Variants in ADGRB3 observed in about 807,000 individuals in gnomAD.
ADGRB3 encodes the protein adhesion G protein-coupled receptor B3, also known as brain-specific angiogenesis inhibitor 3.
A neutral mutation model predicts 193.4 loss-of-function variants in ADGRB3; 37 were observed. The observed-to-expected ratio is 0.19, with a 90% CI of 0.15 to 0.25. The LOEUF is 0.25. ADGRB3 is among the 10% of genes least tolerant of loss of function. The pLI, the probability that ADGRB3 is intolerant of heterozygous loss-of-function variation, is 1.00. For synonymous variants in ADGRB3, 690 were observed against 644.2 expected (o/e 1.07, Z -1.08); for missense variants, 1,637 against 1,852.9 (o/e 0.88, Z 2.14).
intron 16 of ADGRB3, among the ~76,000 whole-genome samples, chr6:69,074,762 GT>G: frequency 6.6e-6 from 1 of 152,066 alleles, no homozygotes; most frequent in South Asian, 2.1e-4. Flanking sequence ...AGCCAGGATG[GT>G]CTCAATCTCC....
At chr6:68,907,147 A>G (rs945687618) in intron 3 of ADGRB3, among the ~76,000 whole-genome samples, 4 of 151,912 alleles carry the variant, frequency 2.6e-5, no homozygotes, top group Admixed American at 1.3e-4. Context: ...TAGCTTTAGC[A>G]TATTTATTTT....
chr6:68,884,561 C>A (rs1765848392), intron 3 of ADGRB3, among the ~76,000 whole-genome samples: 2 of 151,834 alleles, frequency 1.3e-5, no homozygotes, highest in South Asian at 4.2e-4. Context: ...ATGAAATCAC[C>A]CAGAGTTTAG....
intron 3 of ADGRB3, among the ~76,000 whole-genome samples, chr6:68,682,076 C>G (rs545915293): frequency 6.6e-6 from 1 of 152,342 alleles, no homozygotes; most frequent in African/African-American, 2.4e-5. Context: ...TCACTGGCCA[C>G]TGCAATTGGG....
chr6:69,043,502 A>G (rs1771149458), intron 13 of ADGRB3, among the ~76,000 whole-genome samples: 1 of 152,220 alleles, frequency 6.6e-6, no homozygotes, highest in Non-Finnish European at 1.5e-5. Flanking sequence ...GGATCACTGA[A>G]GGACAACCAA....
chr6:69,233,259 C>T (rs200192397), intron 17 of ADGRB3, 31 bp from the exon 18 acceptor site: 3 of 1,609,644 alleles, frequency 1.9e-6, no homozygotes, highest in Non-Finnish European at 1.7e-6. Flanking sequence ...GTATTTATCC[C>T]GATTTCCTCC....
intron 3 of ADGRB3, among the ~76,000 whole-genome samples, chr6:68,760,875 A>G (rs1766383757): frequency 6.6e-6 from 1 of 152,232 alleles, no homozygotes; most frequent in Non-Finnish European, 1.5e-5. Context: ...TGCATTCAAC[A>G]TGCAATTTAG....
chr6:68,666,935 A>G (rs1768816250), intron 3 of ADGRB3, among the ~76,000 whole-genome samples: 1 of 151,666 alleles, frequency 6.6e-6, no homozygotes. Flanking sequence ...TAATGTGGTT[A>G]TTTTTAGTTC....
At chr6:69,256,585 A>T (rs1437194142) in intron 20 of ADGRB3, among the ~76,000 whole-genome samples, 1 of 152,068 alleles carries the variant, frequency 6.6e-6, no homozygotes, top group East Asian at 1.9e-4. Context: ...GTTGCTTATC[A>T]GCTTAAGGAG....
chr6:68,927,436 A>C (rs1767212231), intron 3 of ADGRB3, among the ~76,000 whole-genome samples: 1 of 152,156 alleles, frequency 6.6e-6, no homozygotes, highest in Admixed American at 6.6e-5. Flanking sequence ...GTTTTTCCTA[A>C]GTTTGGATGA....
At chr6:68,637,227 A>C (rs1767980071) in intron 1 of ADGRB3, among the ~76,000 whole-genome samples, 164 bp from the exon 2 acceptor site, 2 of 152,186 alleles carry the variant, frequency 1.3e-5, no homozygotes, top group Admixed American at 6.5e-5. Flanking sequence ...GAAAATGCAG[A>C]TCTATCTTCA....
intron 3 of ADGRB3, among the ~76,000 whole-genome samples, chr6:68,826,594 A>T (rs1040726543): frequency 5.9e-5 from 9 of 152,282 alleles, no homozygotes; most frequent in South Asian, 2.1e-4. Flanking sequence ...TTTTAAATAG[A>T]TCAATCTGGA....
chr6:68,860,608 A>G (rs1457504978), intron 3 of ADGRB3, among the ~76,000 whole-genome samples: 1 of 152,088 alleles, frequency 6.6e-6, no homozygotes, highest in Non-Finnish European at 1.5e-5. Flanking sequence ...GGTGTATACC[A>G]TATATATATG....
At chr6:68,752,494 A>G (rs1421451733) in intron 3 of ADGRB3, among the ~76,000 whole-genome samples, 1 of 152,066 alleles carries the variant, frequency 6.6e-6, no homozygotes, top group African/African-American at 2.4e-5. Flanking sequence ...ACTGGTCTCG[A>G]TCTCCTGAAC....
intron 20 of ADGRB3, among the ~76,000 whole-genome samples, chr6:69,240,132 C>G (rs78156856): frequency 2.0e-3 from 302 of 152,010 alleles, no homozygotes; most frequent in African/African-American, 6.8e-3. Flanking sequence ...GTATTAATGT[C>G]AAGGATAATG....
intron 3 of ADGRB3, among the ~76,000 whole-genome samples, chr6:68,721,960 A>G (rs1003247745): frequency 6.6e-5 from 10 of 151,448 alleles, no homozygotes; most frequent in African/African-American, 2.2e-4. Context: ...TTCATTAATC[A>G]TTTTTTCATT....
At chr6:68,672,316 G>T (rs933130095) in intron 3 of ADGRB3, among the ~76,000 whole-genome samples, 6 of 150,646 alleles carry the variant, frequency 4.0e-5, no homozygotes, top group African/African-American at 1.2e-4. Flanking sequence ...GGTTTGATTT[G>T]CTCTTACTTT....
At chr6:69,076,113 T>G in intron 17 of ADGRB3, 75 bp downstream of exon 17, 1 of 1,297,774 alleles carries the variant, frequency 7.7e-7, no homozygotes, top group Admixed American at 1.8e-5. Flanking sequence ...AGCTGCCTGC[T>G]AGTTAACAGG....
chr6:69,238,753 TAC>T (rs1195938942), intron 19 of ADGRB3, among the ~76,000 whole-genome samples: 3 of 151,646 alleles, frequency 2.0e-5, no homozygotes, highest in Admixed American at 1.3e-4. Context: ...CATACACACA[TAC>T]ACACACACGT....
chr6:69,183,911 T>G (rs935944824), intron 17 of ADGRB3, among the ~76,000 whole-genome samples: 1 of 152,098 alleles, frequency 6.6e-6, no homozygotes, highest in African/African-American at 2.4e-5. Context: ...TCCTTAATCT[T>G]CCTTGCATTA....
Sources: gnomAD v4.1 joint callset for allele counts (sites outside exome capture counted in the v4.1 genomes callset) on GRCh38, gnomAD v4.1.1 for gene constraint, MANE v1.5 for transcripts, NCBI Gene and HGNC (gene_info 2026-07-23, HGNC 2026-07-21) for gene names.